PPP3CB: variants seen among roughly 807,000 people sequenced by gnomAD.
PPP3CB encodes protein phosphatase 3 catalytic subunit beta.
In PPP3CB, 8 loss-of-function variants were observed where a neutral mutation model predicts 66.4. The ratio of observed to expected loss-of-function variants is 0.12; its 90% CI spans 0.07 to 0.22. PPP3CB has a LOEUF of 0.22. PPP3CB is among the 10% of genes least tolerant of loss of function. The pLI is 1.00. For synonymous variants in PPP3CB, 208 were observed against 221.2 expected (o/e 0.94, Z 0.53); for missense variants, 319 against 642.5 (o/e 0.50, Z 5.44).
intron 1 of PPP3CB, among the ~76,000 whole-genome samples, chr10:73,494,604 T>G (rs1310763973): frequency 6.6e-6 from 1 of 151,828 alleles, no homozygotes; most frequent in Non-Finnish European, 1.5e-5. Flanking sequence ...CAAATTAGTA[T>G]TATTCTTTTA....
chr10:73,484,684 A>G (rs1463768589), intron 1 of PPP3CB, among the ~76,000 whole-genome samples: 1 of 152,200 alleles, frequency 6.6e-6, no homozygotes, highest in Non-Finnish European at 1.5e-5. Context: ...AAACCAGAAA[A>G]CAAATGTATA....
intron 8 of PPP3CB, among the ~76,000 whole-genome samples, chr10:73,469,443 G>A (rs2056669463): frequency 2.0e-5 from 3 of 152,190 alleles, no homozygotes; most frequent in South Asian, 2.1e-4. Flanking sequence ...AGGGAGGGCT[G>A]AGGCAAGAGA....
intron 2 of PPP3CB, 97 bp from the exon 3 acceptor site, chr10:73,478,720 G>T: frequency 9.4e-7 from 1 of 1,067,212 alleles, no homozygotes; most frequent in Non-Finnish European, 1.4e-6. Flanking sequence ...TAGTACAAAT[G>T]CTATCAAGAA....
At position 73,471,508 on chromosome 10, in the gene PPP3CB, C is replaced by T; in HGVS notation, c.629G>A (p.Gly210Glu). Residue 210 changes from glycine (G) to glutamate (E), a missense_variant, in exon 5 of 14, where the codon GGA becomes GAA. Around this residue, in one of 5 missense-constraint regions of PPP3CB, gnomAD observed 51 missense variants for 139.6 expected, o/e 0.37. Coordinates refer to ENST00000360663, the MANE Select transcript of PPP3CB (RefSeq NM_021132.4). ...LNQQFLCVHG[G>E]LSPEIHTLDD... ...CAGTGTGTGTATTTCTGGTGAAAGTCCACCATGAACACAAAGAAACTGTTG... is the reference window on the plus strand; with the variant it reads ...CAGTGTGTGTATTTCTGGTGAAAGTTCACCATGAACACAAAGAAACTGTTG... 6.2e-7 allele frequency: 1 copy of T among 1,611,544 alleles called. No individual in the cohort carries two copies. Among genetic ancestry groups the T allele is most frequent in the Non-Finnish European group, 8.5e-7 (1 of 1,178,744 alleles).
At chr10:73,465,820 CA>C (rs1036922171) in intron 9 of PPP3CB, among the ~76,000 whole-genome samples, 2 of 152,108 alleles carry the variant, frequency 1.3e-5, no homozygotes, top group African/African-American at 4.8e-5. Flanking sequence ...ATTAAAATAG[CA>C]AAATATGCAA....
chr10:73,480,707 A>G (rs1233318734), intron 1 of PPP3CB, among the ~76,000 whole-genome samples: 1 of 152,136 alleles, frequency 6.6e-6, no homozygotes, highest in Non-Finnish European at 1.5e-5. Flanking sequence ...GGCTTCCCAA[A>G]GTTCTGGGAT....
intron 1 of PPP3CB, among the ~76,000 whole-genome samples, chr10:73,484,422 C>T (rs2056937490): frequency 6.6e-6 from 1 of 151,916 alleles, no homozygotes; most frequent in African/African-American, 2.4e-5. Context: ...AGGCACCTGC[C>T]ACCACGCCCA....
At chr10:73,482,047 T>C (rs920854764) in intron 1 of PPP3CB, among the ~76,000 whole-genome samples, 2 of 152,178 alleles carry the variant, frequency 1.3e-5, no homozygotes, top group Admixed American at 6.5e-5. Flanking sequence ...GGTAGAGTAA[T>C]TGTTTAAAAA....
At chr10:73,449,262 C>G (rs576363947) in intron 10 of PPP3CB, among the ~76,000 whole-genome samples, 1 of 152,204 alleles carries the variant, frequency 6.6e-6, no homozygotes, top group African/African-American at 2.4e-5. Flanking sequence ...CTCCCATATT[C>G]CCTAACAAGA....
At chr10:73,439,969 G>T in intron 12 of PPP3CB, 68 bp from the exon 13 acceptor site, 1 of 1,465,874 alleles carries the variant, frequency 6.8e-7, no homozygotes, top group Non-Finnish European at 9.5e-7. Context: ...TTGTACAGCA[G>T]AAAAGGCAAT....
At chr10:73,482,440 G>T (rs1163518584) in intron 1 of PPP3CB, among the ~76,000 whole-genome samples, 1 of 150,706 alleles carries the variant, frequency 6.6e-6, no homozygotes, top group Non-Finnish European at 1.5e-5. Flanking sequence ...CTACTCGGGA[G>T]GCTGAGGCAG....
chr10:73,448,332 T>C (rs1432442987), intron 10 of PPP3CB, among the ~76,000 whole-genome samples: 2 of 152,128 alleles, frequency 1.3e-5, no homozygotes, highest in Admixed American at 1.3e-4. Context: ...AAGTAAATGG[T>C]CACAGTAACA....
intron 9 of PPP3CB, chr10:73,466,814 A>C (rs762797792): frequency 6.6e-6 from 1 of 152,184 alleles, no homozygotes; most frequent in Admixed American, 6.5e-5. Context: ...TTTTATAATC[A>C]TGTCTGTACT....
chr10:73,470,626 TA>T, intron 8 of PPP3CB, 60 bp downstream of exon 8: 10 of 1,068,854 alleles, frequency 9.4e-6, no homozygotes, highest in Non-Finnish European at 1.2e-5. Flanking sequence ...TTTATTATAT[TA>T]AAAAAAGTCA....
chr10:73,492,614 T>C lies in PPP3CB; in HGVS notation c.85+3191A>G, dbSNP rs956243594. Among the ~76,000 whole-genome samples, 8 of 152,350 alleles carry C rather than the reference T, an allele frequency of 5.3e-5. No individual in the cohort carries two copies. The South Asian group carries it at 8.3e-4, about 16-fold the overall frequency. ...TCCTACATAGCTAAAGAATGCTTAA[T>C]AGAATATAATTAAAAGGGTATATAC... On this transcript the variant is annotated intron_variant, in intron 1 of 13. Transcript: ENST00000360663.
chr10:73,491,722 T>C (rs2057080729), intron 1 of PPP3CB, among the ~76,000 whole-genome samples: 1 of 151,938 alleles, frequency 6.6e-6, no homozygotes, highest in Admixed American at 6.6e-5. Flanking sequence ...AATCCCAGCA[T>C]TTTGGGAGGC....
At chr10:73,453,897 G>A (rs779455894) in intron 10 of PPP3CB, among the ~76,000 whole-genome samples, 1 of 152,110 alleles carries the variant, frequency 6.6e-6, no homozygotes, top group East Asian at 1.9e-4. Flanking sequence ...CAACAACCAT[G>A]TATAACTTTG....
intron 13 of PPP3CB, among the ~76,000 whole-genome samples, chr10:73,438,951 G>A (rs922096552): frequency 2.7e-5 from 4 of 150,690 alleles, no homozygotes; most frequent in South Asian, 4.1e-4. Flanking sequence ...TCAGCCCATC[G>A]CCACCAATAT....
intron 1 of PPP3CB, among the ~76,000 whole-genome samples, chr10:73,481,303 C>T (rs1369783410): frequency 6.6e-6 from 1 of 151,262 alleles, no homozygotes; most frequent in East Asian, 1.9e-4. Context: ...GAAACCCCAT[C>T]TCTACTAAAA....
Sources: allele counts gnomAD v4.1 joint callset (sites outside exome capture counted in the v4.1 genomes callset), GRCh38; gene constraint gnomAD v4.1.1; regional missense constraint gnomAD v4.1.1; transcripts MANE v1.5; gene names NCBI Gene and HGNC (gene_info 2026-07-23, HGNC 2026-07-21).